Variants in SEC31A observed in about 807,000 individuals in gnomAD.
SEC31A encodes SEC31 homolog A, COPII component, also known as protein transport protein Sec31A.
In SEC31A, 70 loss-of-function variants were observed where a neutral mutation model predicts 151.0. That is an observed-to-expected ratio of 0.46 (90% CI 0.38 to 0.57). The LOEUF (loss-of-function observed/expected upper bound fraction) is 0.57. Among genes scored for constraint, SEC31A ranks in the 20% least tolerant of loss-of-function variants. The pLI is 0.00. For synonymous variants in SEC31A, 475 were observed against 505.9 expected (o/e 0.94, Z 0.82); for missense variants, 1,330 against 1,471.2 (o/e 0.90, Z 1.57).
intron 20 of SEC31A, 55 bp from the exon 21 acceptor site, chr4:82,844,564 C>G (rs1366183296): frequency 2.5e-5 from 39 of 1,542,394 alleles, no homozygotes; most frequent in Non-Finnish European, 3.2e-5. Context: ...AGGAACTTCA[C>G]CAGATGGAAT....
intron 6 of SEC31A, 28 bp downstream of exon 6, chr4:82,874,583 G>A (rs753414046): frequency 1.3e-6 from 2 of 1,571,096 alleles, no homozygotes; most frequent in Non-Finnish European, 8.6e-7. Flanking sequence ...AATACAACAT[G>A]TTCATCACAA....
At chr4:82,895,739 G>A (rs1458608912), upstream of SEC31A, 1 of 152,092 alleles carries the variant, frequency 6.6e-6, no homozygotes, top group African/African-American at 2.4e-5. Flanking sequence ...TATGACAAAT[G>A]ATGTTCTCTA....
intron 17 of SEC31A, 37 bp from the exon 18 acceptor site, chr4:82,853,752 A>C: frequency 1.3e-6 from 2 of 1,555,654 alleles, no homozygotes; most frequent in South Asian, 2.4e-5. Context: ...GATTATACCC[A>C]AGGCAATCTG....
intron 22 of SEC31A, 99 bp downstream of exon 22, chr4:82,842,041 C>T (rs1729032330): frequency 1.0e-6 from 1 of 990,354 alleles, no homozygotes; most frequent in African/African-American, 1.6e-5. Context: ...CTCACATTAC[C>T]CAGTTTACAA....
chr4:82,828,785 T>C (rs1245281903), intron 23 of SEC31A, among the ~76,000 whole-genome samples: 3 of 152,036 alleles, frequency 2.0e-5, no homozygotes, highest in African/African-American at 7.2e-5. Flanking sequence ...GGCTTTAATT[T>C]ATATCACCAT....
intron 25 of SEC31A, among the ~76,000 whole-genome samples, chr4:82,822,137 C>T (rs952113473): frequency 1.3e-5 from 2 of 152,114 alleles, no homozygotes; most frequent in African/African-American, 4.8e-5. Context: ...ATACCACAGC[C>T]TTATGTTAGT....
chr4:82,872,215 C>T (rs11942312), intron 6 of SEC31A, 129 bp from the exon 7 acceptor site: 548,317 of 727,668 alleles, frequency 0.75, 208,177 homozygotes, highest in Admixed American at 0.81. Context: ...TATTTATGAT[C>T]TATTTATTGT....
rs77115328 is a variant in SEC31A, at chr4:82,858,203, G to A, written c.1627-439C>T. ...TGAGGTGGGCGGATCACAAGGTCAG[G>A]AGATCAAGACCATTCTGGCCAACAT... is the stretch of plus-strand genomic sequence containing the variant. On this transcript the variant is annotated intron_variant, in intron 14 of 26. Transcript: ENST00000395310. 4.8e-3 allele frequency among the ~76,000 whole-genome samples: 728 copies of A among 151,980 alleles called. 54 individuals carry two copies. The East Asian group carries it at 0.12, about 26-fold the overall frequency.
At chr4:82,869,980 G>C (rs569951954) in intron 8 of SEC31A, among the ~76,000 whole-genome samples, 1 of 152,288 alleles carries the variant, frequency 6.6e-6, no homozygotes, top group Admixed American at 6.5e-5. Context: ...GCAGGCAAAA[G>C]ATGCAAACCT....
chr4:82,861,552 A>C, intron 14 of SEC31A, 79 bp downstream of exon 14: 1 of 895,134 alleles, frequency 1.1e-6, no homozygotes, highest in Non-Finnish European at 1.8e-6. Context: ...TAAGTAGTCA[A>C]GAAAATTTTC....
At chr4:82,820,889 T>C in intron 26 of SEC31A, 148 bp downstream of exon 26, 1 of 689,868 alleles carries the variant, frequency 1.4e-6, no homozygotes, top group Non-Finnish European at 2.6e-6. Context: ...GTGAGTGGAA[T>C]TTATGATTCA....
At chr4:82,891,846 A>G (rs1285611131), upstream of SEC31A, among the ~76,000 whole-genome samples, 1 of 152,220 alleles carries the variant, frequency 6.6e-6, no homozygotes, top group African/African-American at 2.4e-5. Context: ...GCGTTGCCTA[A>G]GTGTACTTTT....
chr4:82,819,741 C>T (rs1225815841), intron 26 of SEC31A, among the ~76,000 whole-genome samples: 1 of 151,824 alleles, frequency 6.6e-6, no homozygotes, highest in Non-Finnish European at 1.5e-5. Context: ...CATAGGTGTC[C>T]ATACTTTACA....
At chr4:82,820,086 T>C (rs1578087326) in intron 26 of SEC31A, among the ~76,000 whole-genome samples, 1 of 151,100 alleles carries the variant, frequency 6.6e-6, no homozygotes, top group Non-Finnish European at 1.5e-5. Context: ...TTTTAAAAAA[T>C]GTTTTAATAT....
Position 82,827,602 on chromosome 4 carries a change from T to TG in SEC31A, c.3057dup (p.Ile1020HisfsTer11). On this transcript the variant is annotated frameshift_variant, in exon 24 of 27. Coordinates refer to ENST00000395310, the MANE Select transcript of SEC31A (RefSeq NM_001077207.4). LOFTEE classifies it high-confidence loss of function. ...AACGGGTTCATGATTGGTGATGTGA[T>TG]GGGAACAGGAGGCATGAAGTTTTCA... 6.2e-7 allele frequency: 1 copy of TG among 1,614,178 alleles called. No individual in the cohort carries two copies. Among genetic ancestry groups the TG allele is most frequent in the Non-Finnish European group, 8.5e-7 (1 of 1,180,020 alleles).
chr4:82,892,682 CTT>C (rs932476450), upstream of SEC31A, among the ~76,000 whole-genome samples: 16 of 152,314 alleles, frequency 1.1e-4, no homozygotes, highest in Admixed American at 9.2e-4. Flanking sequence ...AATCAACAAA[CTT>C]TGAAAGCAAA....
chr4:82,861,850 G>C (rs150423949), intron 13 of SEC31A, 142 bp from the exon 14 acceptor site: 3 of 364,232 alleles, frequency 8.2e-6, no homozygotes, highest in African/African-American at 4.3e-5. Context: ...AAATTTATTT[G>C]AGAAATACCA....
chr4:82,866,824 A>G lies in SEC31A; in HGVS notation c.1181T>C (p.Val394Ala). The G allele has an allele frequency of 6.2e-7, 1 of 1,604,050 alleles. No individual in the cohort carries two copies. Among genetic ancestry groups the G allele is most frequent in the African/African-American group, 1.3e-5 (1 of 74,476 alleles). ...TCCACCTACTGAAAAAGAAGCACCAACAGGCCTTCGAATCCACTTGGGCGG... is the reference window on the plus strand; with the variant it reads ...TCCACCTACTGAAAAAGAAGCACCAGCAGGCCTTCGAATCCACTTGGGCGG... ...KKPPKWIRRP[V>A]GASFSFGGKL... The change falls in exon 10 of 27, where the codon GTT (valine) becomes GCT (alanine). Residue 394 changes from valine (V) to alanine (A), a missense_variant. By Grantham distance (64) the Val-to-Ala change is moderately conservative. Coordinates refer to ENST00000395310, the MANE Select transcript of SEC31A (RefSeq NM_001077207.4).
Position 82,844,359 on chromosome 4 carries a change from A to G in SEC31A, c.2626+27T>C, listed in dbSNP as rs992029502. ...AAATTAGATCATAAATACTGCTCTGAAAGGACTTTGGGGTCACACTACTTA... is the reference window on the plus strand; with the variant it reads ...AAATTAGATCATAAATACTGCTCTGGAAGGACTTTGGGGTCACACTACTTA... On this transcript the variant is annotated intron_variant, in intron 21 of 26. Coordinates refer to ENST00000395310, the MANE Select transcript of SEC31A (RefSeq NM_001077207.4). 6 of 1,607,146 alleles carry G rather than the reference A, an allele frequency of 3.7e-6. No individual in the cohort carries two copies. In the African/African-American group the frequency reaches 6.7e-5, roughly 18 times the overall value.
Sources: gnomAD v4.1 joint callset for allele counts (sites outside exome capture counted in the v4.1 genomes callset) on GRCh38, gnomAD v4.1.1 for gene constraint, MANE v1.5 for transcripts, NCBI Gene and HGNC (gene_info 2026-07-23, HGNC 2026-07-21) for gene names.